The following TRDN variants were observed in gnomAD, a reference collection of about 807,000 sequenced individuals.
TRDN encodes the protein triadin in skeletal muscle.
Under a neutral mutation model 149.7 loss-of-function variants are expected in TRDN, and 161 were observed. That is an observed-to-expected ratio of 1.08 (90% CI 0.95 to 1.23). TRDN has a LOEUF of 1.23. TRDN is among the 50% of genes most tolerant of loss of function. The pLI is 0.00. For missense variants in TRDN, 896 were observed against 823.5 expected, an observed-to-expected ratio of 1.09 and a Z score of -1.08; for synonymous variants, 294 against 250.5, an observed-to-expected ratio of 1.17 and a Z score of -1.64.
chr6:123,614,197 G>A lies in TRDN; in HGVS notation c.22+22557C>T, dbSNP rs368716308. ...TCATATACATGTTAAGGTTTGGGAG[G>A]CATGGCTGTAGGTATGTATAAATCA... On this transcript the variant is annotated intron_variant, in intron 1 of 40. Transcript: ENST00000334268. 3.5e-4 allele frequency among the ~76,000 whole-genome samples: 53 copies of A among 149,948 alleles called. No homozygotes were observed. The East Asian group carries it at 7.1e-3, about 20-fold the overall frequency.
At chr6:123,279,232 A>T in intron 24 of TRDN, 150 bp from the exon 25 acceptor site, 1 of 639,648 alleles carries the variant, frequency 1.6e-6, no homozygotes, top group Non-Finnish European at 2.5e-6. Flanking sequence ...TAGAATGTGT[A>T]ACTTATGGCT....
chr6:123,526,528 A>G (rs1240615749), intron 5 of TRDN, among the ~76,000 whole-genome samples: 2 of 152,092 alleles, frequency 1.3e-5, no homozygotes, highest in Non-Finnish European at 2.9e-5. Flanking sequence ...GTGGCTCTAC[A>G]AATTACTAAA....
intron 20 of TRDN, among the ~76,000 whole-genome samples, chr6:123,359,520 G>A (rs1251526520): frequency 6.6e-6 from 1 of 152,156 alleles, no homozygotes; most frequent in East Asian, 1.9e-4. Flanking sequence ...AAAAACATGA[G>A]GGCAGCATGA....
intron 37 of TRDN, among the ~76,000 whole-genome samples, chr6:123,253,463 A>G (rs1464937518): frequency 6.6e-6 from 1 of 152,130 alleles, no homozygotes; most frequent in Non-Finnish European, 1.5e-5. Context: ...TGTTTTCAGT[A>G]TTGTTAGAGT....
intron 1 of TRDN, among the ~76,000 whole-genome samples, chr6:123,585,098 G>A (rs1336145944): frequency 6.6e-5 from 10 of 151,180 alleles, no homozygotes; most frequent in Non-Finnish European, 1.5e-4. Flanking sequence ...GTGCATGATC[G>A]GTTGCCAAGG....
At chr6:123,503,021 A>G in intron 8 of TRDN, 1 of 985,290 alleles carries the variant, frequency 1.0e-6, no homozygotes, top group Non-Finnish European at 1.2e-6. Flanking sequence ...TAAAATAAAA[A>G]TTCAGGTTTA....
intron 9 of TRDN, chr6:123,470,103 C>T (rs187870881): frequency 1.5e-3 from 227 of 152,204 alleles, no homozygotes; most frequent in African/African-American, 5.2e-3. Context: ...ATGTCTATTC[C>T]GTACCCTTAT....
intron 9 of TRDN, among the ~76,000 whole-genome samples, chr6:123,474,924 C>A (rs1777386840): frequency 6.6e-6 from 1 of 152,046 alleles, no homozygotes; most frequent in Non-Finnish European, 1.5e-5. Context: ...GCATTCAAAG[C>A]AGTGTGTAGA....
intron 13 of TRDN, among the ~76,000 whole-genome samples, chr6:123,390,026 T>G (rs1458328538): frequency 3.3e-5 from 5 of 152,086 alleles, no homozygotes; most frequent in Non-Finnish European, 5.9e-5. Context: ...TTCAAAATCA[T>G]CCAATCATGA....
chr6:123,276,025 G>T (rs1777357060), intron 26 of TRDN, among the ~76,000 whole-genome samples: 1 of 152,004 alleles, frequency 6.6e-6, no homozygotes, highest in South Asian at 2.1e-4. Context: ...GTCCTTACAG[G>T]GCAAAGCCAA....
chr6:123,504,760 T>C (rs1399316611), intron 7 of TRDN, among the ~76,000 whole-genome samples: 1 of 152,210 alleles, frequency 6.6e-6, no homozygotes, highest in African/African-American at 2.4e-5. Context: ...TTCAAGCATC[T>C]TTTAAAAAGC....
intron 1 of TRDN, among the ~76,000 whole-genome samples, chr6:123,596,743 A>G (rs540829999): frequency 1.9e-4 from 29 of 152,176 alleles, no homozygotes; most frequent in Non-Finnish European, 4.0e-4. Flanking sequence ...TTTTTAATCT[A>G]TCAGTGGAAT....
At chr6:123,265,854 A>C (rs1483674164) in intron 32 of TRDN, among the ~76,000 whole-genome samples, 4 of 146,988 alleles carry the variant, frequency 2.7e-5, no homozygotes, top group African/African-American at 9.9e-5. Flanking sequence ...GTAGGTAAAA[A>C]AAATCGTAAA....
chr6:123,519,998 A>G (rs557669784), intron 5 of TRDN, among the ~76,000 whole-genome samples: 30 of 152,252 alleles, frequency 2.0e-4, no homozygotes, highest in African/African-American at 7.0e-4. Flanking sequence ...AGAGCATGAT[A>G]CACATTCATT....
chr6:123,516,176 T>C lies in TRDN; in HGVS notation c.515A>G (p.Glu172Gly). The change falls in exon 6 of 41, where the codon GAA becomes GGA. Residue 172 changes from glutamate to glycine, a missense_variant. Coordinates refer to ENST00000334268, the MANE Select transcript of TRDN (RefSeq NM_006073.4). ...VTHKEKEKGK[E>G]KVREKEKPEK... is the part of the protein sequence containing the mutation. ...AGGTTTTTCTTTTTCTCTTACTTTT[T>C]CTTTTCCTTTTTCTTTTTCTTTGTG... 2 of 1,491,164 alleles carry C rather than the reference T, an allele frequency of 1.3e-6. No homozygotes were observed. The highest frequency in any genetic ancestry group is 1.8e-6 in the Non-Finnish European group (2 of 1,108,506). The allele number at this position is 1,491,164 out of a possible 1,614,324, so 92.4% of individuals were successfully genotyped here.
rs188057247 is a variant in TRDN, at chr6:123,533,081, C to T, written c.425-2516G>A. Reference sequence around the variant, plus strand: ...TCAAAGATTTAGACTGGTCTTTGGACGTACTAAGGGAGTTGCCTTTAAGAG... The same window carrying T: ...TCAAAGATTTAGACTGGTCTTTGGATGTACTAAGGGAGTTGCCTTTAAGAG... On this transcript the variant is annotated intron_variant, in intron 4 of 40. Transcript: ENST00000334268. Among the ~76,000 whole-genome samples, 369 of 152,116 alleles carry T rather than the reference C, an allele frequency of 2.4e-3. 4 individuals are homozygous for T. The highest frequency in any genetic ancestry group is 7.7e-3 in the African/African-American group (321 of 41,524).
At chr6:123,304,970 T>C (rs1778555937) in intron 24 of TRDN, among the ~76,000 whole-genome samples, 6 of 152,194 alleles carry the variant, frequency 3.9e-5, no homozygotes, top group Non-Finnish European at 8.8e-5. Context: ...AACATTTTTC[T>C]TCTTATTTAA....
At chr6:123,499,562 G>A (rs1334894932) in intron 8 of TRDN, among the ~76,000 whole-genome samples, 2 of 150,060 alleles carry the variant, frequency 1.3e-5, no homozygotes, top group Non-Finnish European at 3.0e-5. Flanking sequence ...AAATTAGCTG[G>A]GCATGGTGGA....
intron 24 of TRDN, among the ~76,000 whole-genome samples, chr6:123,280,691 G>A (rs1777551806): frequency 7.3e-6 from 1 of 137,814 alleles, no homozygotes; most frequent in Non-Finnish European, 1.5e-5. Context: ...TTAAGGCCTA[G>A]TTTAGCTGTC....
Sources: gnomAD v4.1 joint callset for allele counts (sites outside exome capture counted in the v4.1 genomes callset) on GRCh38, gnomAD v4.1.1 for gene constraint, MANE v1.5 for transcripts, NCBI Gene and HGNC (gene_info 2026-07-23, HGNC 2026-07-21) for gene names.